Variants in TNIP3 observed in about 807,000 individuals in gnomAD.
TNIP3 encodes the protein TNFAIP3 interacting protein 3.
In TNIP3, 34 loss-of-function variants were observed where a neutral mutation model predicts 54.1. That is an observed-to-expected ratio of 0.63 (90% CI 0.48 to 0.84). The LOEUF is 0.84. Ranked by LOEUF, TNIP3 falls within the 40% of genes least tolerant of loss-of-function variation. TNIP3 has a pLI of 0.00. For synonymous variants in TNIP3, 134 were observed against 136.8 expected (o/e 0.98, Z 0.14); for missense variants, 366 against 387.6 (o/e 0.94, Z 0.47).
chr4:121,166,597 A>T (rs1164611528), upstream of TNIP3, among the ~76,000 whole-genome samples: 1 of 152,246 alleles, frequency 6.6e-6, no homozygotes, highest in Non-Finnish European at 1.5e-5. Flanking sequence ...AAAGAAAATT[A>T]AAATTAACAA....
chr4:121,221,396 G>GT (rs1168208920), upstream of TNIP3, among the ~76,000 whole-genome samples: 2 of 152,104 alleles, frequency 1.3e-5, no homozygotes, highest in Admixed American at 1.3e-4. Context: ...AGCAGATCAC[G>GT]TGACTATAAA....
At chr4:121,184,630 T>A (rs1724906780) in intron 2 of TNIP3, among the ~76,000 whole-genome samples, 1 of 152,230 alleles carries the variant, frequency 6.6e-6, no homozygotes, top group Non-Finnish European at 1.5e-5. Flanking sequence ...CATGTCATTA[T>A]AATGAATTCT....
intron 1 of TNIP3, among the ~76,000 whole-genome samples, chr4:121,161,924 C>T (rs1329785819): frequency 6.6e-6 from 1 of 152,136 alleles, no homozygotes. Flanking sequence ...CCTAAATCGA[C>T]TAAGAACAAT....
chr4:121,178,397 G>T (rs1397100065), intron 3 of TNIP3, among the ~76,000 whole-genome samples: 1 of 152,174 alleles, frequency 6.6e-6, no homozygotes, highest in Non-Finnish European at 1.5e-5. Flanking sequence ...GCAAACACTG[G>T]AATTGCAAGC....
At chr4:121,181,564 A>G (rs182407167) in intron 3 of TNIP3, among the ~76,000 whole-genome samples, 15 of 152,248 alleles carry the variant, frequency 9.9e-5, no homozygotes, top group African/African-American at 3.6e-4. Context: ...ACATGAATGA[A>G]AGAAAGAGGT....
chr4:121,161,204 AT>A lies in TNIP3; in HGVS notation c.78del (p.Ser27GlnfsTer6). 1 of 1,582,258 alleles carries A rather than the reference AT, an allele frequency of 6.3e-7. No homozygotes were observed. The highest frequency in any genetic ancestry group is 1.1e-5 in the South Asian group (1 of 87,868). On this transcript the variant is annotated frameshift_variant, in exon 2 of 11. Transcript: ENST00000057513. LOFTEE classifies it high-confidence loss of function. ...GAATTCATCAAGTTCTTTCTTGTTG[AT>A]GGTTCAGCACACTTAGAAAAAAAAA... ...SSTEHKECAE[P>X]STRKNLMNSL...
upstream of TNIP3, among the ~76,000 whole-genome samples, chr4:121,166,561 G>C (rs1730777198): frequency 6.6e-6 from 1 of 152,134 alleles, no homozygotes; most frequent in Non-Finnish European, 1.5e-5. Flanking sequence ...CTTCATTTCT[G>C]AAGTCACTAA....
chr4:121,162,887 T>C (rs1164508870), intron 1 of TNIP3, among the ~76,000 whole-genome samples: 1 of 152,204 alleles, frequency 6.6e-6, no homozygotes, highest in African/African-American at 2.4e-5. Context: ...GTTTGTGATG[T>C]AGACAAAAAT....
chr4:121,167,864 G>A (rs916610588), upstream of TNIP3, among the ~76,000 whole-genome samples: 1 of 152,110 alleles, frequency 6.6e-6, no homozygotes, highest in African/African-American at 2.4e-5. Flanking sequence ...CTGGACTCGA[G>A]ACTCCTGTAT....
At chr4:121,195,480 C>G (rs1725529457) in intron 2 of TNIP3, among the ~76,000 whole-genome samples, 1 of 152,094 alleles carries the variant, frequency 6.6e-6, no homozygotes, top group Admixed American at 6.5e-5. Context: ...GAGAGTGGAC[C>G]ATTTTTTCAC....
chr4:121,201,362 T>C (rs1725875438), intron 2 of TNIP3, among the ~76,000 whole-genome samples: 1 of 152,174 alleles, frequency 6.6e-6, no homozygotes, highest in Non-Finnish European at 1.5e-5. Context: ...GTGGAACATC[T>C]TGTTACTAGG....
intron 3 of TNIP3, among the ~76,000 whole-genome samples, chr4:121,173,393 A>C (rs1391085908): frequency 6.6e-6 from 1 of 152,236 alleles, no homozygotes; most frequent in East Asian, 1.9e-4. Flanking sequence ...TGGTCAGAAA[A>C]GAGAAATTCA....
chr4:121,160,110 T>C (rs1730358355), intron 2 of TNIP3, among the ~76,000 whole-genome samples: 1 of 152,168 alleles, frequency 6.6e-6, no homozygotes, highest in African/African-American at 2.4e-5. Context: ...GTCACAATAT[T>C]CTTCAAGTAT....
At chr4:121,142,029 T>C in intron 8 of TNIP3, 115 bp from the exon 9 acceptor site, 2 of 578,892 alleles carry the variant, frequency 3.5e-6, no homozygotes, top group Non-Finnish European at 5.7e-6. Flanking sequence ...TAATCTGGCA[T>C]AATTATAACT....
At chr4:121,133,669 C>A (rs867387858) in intron 10 of TNIP3, among the ~76,000 whole-genome samples, 1 of 152,126 alleles carries the variant, frequency 6.6e-6, no homozygotes, top group Non-Finnish European at 1.5e-5. Context: ...ATGAGATAAT[C>A]CACGGCAGAA....
At position 121,171,372 on chromosome 4, in the gene TNIP3, G is replaced by A. The variant is rs189619425; in HGVS notation, c.190-7226C>T. On this transcript the variant is annotated intron_variant, in intron 3 of 12. Coordinates refer to the TNIP3 transcript ENST00000507879. ...GGATTAAAAGAGGGGTGGATAGATG[G>A]ATGAATAGATGGTGAACAAGTAGAG... 2.0e-5 allele frequency among the ~76,000 whole-genome samples: 3 copies of A among 152,296 alleles called. No individual in the cohort carries two copies. The East Asian group carries it at 5.8e-4, about 29-fold the overall frequency.
intron 3 of TNIP3, among the ~76,000 whole-genome samples, chr4:121,176,383 A>G (rs28530598): frequency 0.28 from 42,819 of 151,964 alleles, 6,901 homozygotes; most frequent in African/African-American, 0.44. Flanking sequence ...TTTCTAGCAG[A>G]AAAAAATAGA....
At chr4:121,217,201 T>C (rs1726834060), upstream of TNIP3, among the ~76,000 whole-genome samples, 2 of 152,194 alleles carry the variant, frequency 1.3e-5, 1 homozygote, top group South Asian at 4.1e-4. Context: ...TGAAGAATTG[T>C]GTATGCTTTA....
chr4:121,212,027 T>G (rs1553937865), intron 2 of TNIP3, among the ~76,000 whole-genome samples: 1 of 152,230 alleles, frequency 6.6e-6, no homozygotes, highest in Non-Finnish European at 1.5e-5. Flanking sequence ...AAGTTGATTC[T>G]TGGGAAAATT....
Sources: allele counts gnomAD v4.1 joint callset (sites outside exome capture counted in the v4.1 genomes callset), GRCh38; gene constraint gnomAD v4.1.1; transcripts MANE v1.5; gene names NCBI Gene and HGNC (gene_info 2026-07-23, HGNC 2026-07-21).